Variants in DPEP2NB observed in about 807,000 individuals in gnomAD.
The protein encoded by DPEP2NB is DPEP2 neighbor protein.
For missense variants in DPEP2NB, 117 were observed against 151.8 expected (o/e 0.77, Z 1.21); for synonymous variants, 35 against 55.3 (o/e 0.63, Z 1.63).
Position 68,014,226 on chromosome 16 carries a change from G to T in DPEP2NB, c.254C>A (p.Ala85Asp). The T allele has an allele frequency of 2.4e-6, 3 of 1,231,752 alleles. No individual in the cohort carries two copies. The highest frequency in any genetic ancestry group is 3.0e-6 in the Non-Finnish European group (3 of 987,998). 76.3% of individuals were successfully genotyped at this position (1,231,752 alleles called of 1,614,324 possible). A position where few individuals can be genotyped will look rare whatever the true frequency, so the allele number is the denominator to read the frequency against. ...AEAEKPAPRR[A>D]PKRRQATIES... is the part of the protein sequence containing the mutation. The stretch of plus-strand genomic sequence containing the variant: ...TATCGTAGCTTGACGTCTCTTGGGA[G>T]CACGCCTGGGGGCTGGCTTCTCTGC... The change falls in exon 2 of 2, where the codon GCT (alanine) becomes GAT (aspartate). Residue 85 changes from alanine (A) to aspartate (D), a missense_variant. Physicochemically the swap from Ala to Asp is moderately radical, Grantham distance 126. Coordinates refer to ENST00000574912, the MANE Select transcript of DPEP2NB (RefSeq NM_001282442.2).
Position 68,015,803 on chromosome 16 carries a change from T to TA in DPEP2NB, c.-34dup. The TA allele has an allele frequency of 8.6e-7, 1 of 1,163,530 alleles. No individual in the cohort carries two copies. The allele number at this position is 1,163,530 out of a possible 1,614,324, so 72.1% of individuals were successfully genotyped here. ...CAGCCAACCAAACAGATTGGTATCT[T>TA]ACAGAGAAATGGTAGGGAGGCTTCT... On this transcript the variant is annotated 5_prime_UTR_variant, in exon 1 of 2. Transcript: ENST00000574912.
At position 68,014,231 on chromosome 16, in the gene DPEP2NB, C is replaced by A; in HGVS notation, c.249G>T (p.Arg83Ser). The A allele has an allele frequency of 2.4e-6, 3 of 1,231,730 alleles. No homozygotes were observed. The South Asian group carries it at 1.2e-4, about 51-fold the overall frequency. The allele number at this position is 1,231,730 out of a possible 1,614,324, so 76.3% of individuals were successfully genotyped here. A position where few individuals can be genotyped will look rare whatever the true frequency, so the allele number is the denominator to read the frequency against. ...TAGCTTGACGTCTCTTGGGAGCACG[C>A]CTGGGGGCTGGCTTCTCTGCTTCAG... ...TKAEAEKPAP[R>S]RAPKRRQATI... The change falls in exon 2 of 2, where the codon AGG (arginine) becomes AGT (serine). Residue 83 changes from arginine to serine, a missense_variant. Arg to Ser is a moderately radical substitution (Grantham distance 110). Coordinates refer to ENST00000574912, the MANE Select transcript of DPEP2NB (RefSeq NM_001282442.2).
chr16:68,015,347 A>T (rs1037413893), intron 1 of DPEP2NB, among the ~76,000 whole-genome samples: 12 of 135,992 alleles, frequency 8.8e-5, no homozygotes, highest in Non-Finnish European at 7.8e-5. Flanking sequence ...AGCTGTGATT[A>T]TGCCAGTGTG....
At chr16:68,015,645 G>T in intron 1 of DPEP2NB, 59 bp downstream of exon 1, 2 of 1,002,256 alleles carry the variant, frequency 2.0e-6, no homozygotes, top group Non-Finnish European at 2.6e-6. Flanking sequence ...GAATGTGTCA[G>T]CCAGGTGAAG....
chr16:68,014,807 C>T (rs749491384), intron 1 of DPEP2NB, among the ~76,000 whole-genome samples: 9 of 151,960 alleles, frequency 5.9e-5, no homozygotes, highest in Non-Finnish European at 1.0e-4. Context: ...CCAGGAGTAC[C>T]AGCCTGGCCA....
At position 68,013,957 on chromosome 16, in the gene DPEP2NB, T is replaced by C. The variant is rs938835505; in HGVS notation, c.*151A>G. 1.8e-6 allele frequency: 1 copy of C among 542,764 alleles called. No homozygotes were observed. The highest frequency in any genetic ancestry group is 2.8e-6 in the Non-Finnish European group (1 of 358,922). The allele number at this position is 542,764 out of a possible 1,614,324, so 33.6% of individuals were successfully genotyped here. A position where few individuals can be genotyped will look rare whatever the true frequency, so the allele number is the denominator to read the frequency against. ...CACAGTTTCTGAGGCTCCTTGGCCA[T>C]GGGTAGTTAGCATGGAAGGGGGCTT... is the stretch of plus-strand genomic sequence containing the variant. On this transcript the variant is annotated 3_prime_UTR_variant, in exon 2 of 2. Transcript: ENST00000574912.
chr16:68,015,266 G>T (rs989564565), intron 1 of DPEP2NB, among the ~76,000 whole-genome samples: 3 of 150,308 alleles, frequency 2.0e-5, no homozygotes, highest in African/African-American at 7.3e-5. Flanking sequence ...GGTGGCGCGT[G>T]CCTGTAGTCC....
chr16:68,013,857 G>A lies in DPEP2NB; in HGVS notation c.*251C>T, dbSNP rs1341689657. 2.7e-6 allele frequency: 1 copy of A among 367,862 alleles called. No individual in the cohort carries two copies. The highest frequency in any genetic ancestry group is 2.1e-5 in the African/African-American group (1 of 48,122). 22.8% of individuals were successfully genotyped at this position (367,862 alleles called of 1,614,324 possible). On this transcript the variant is annotated 3_prime_UTR_variant, in exon 2 of 2. Transcript: ENST00000574912. ...GCCCAAAAAGGGACTCTGGAGAGATGAGTAGAGGAACATCAGGTTTTCTTC... is the reference window on the plus strand; with the variant it reads ...GCCCAAAAAGGGACTCTGGAGAGATAAGTAGAGGAACATCAGGTTTTCTTC...
Position 68,014,421 on chromosome 16 carries a change from A to G in DPEP2NB, c.68-9T>C. ...AGTGGCAGGCACTGCAGCTGGAAAG[A>G]AAACCAGAATTAGTCACTTTTACCT... On this transcript the variant is annotated splice_polypyrimidine_tract_variant and intron_variant, in intron 1 of 1. Coordinates refer to ENST00000574912, the MANE Select transcript of DPEP2NB (RefSeq NM_001282442.2). 1 of 1,231,720 alleles carries G rather than the reference A, an allele frequency of 8.1e-7. No homozygotes were observed. The highest frequency in any genetic ancestry group is 1.0e-6 in the Non-Finnish European group (1 of 987,902). The allele number at this position is 1,231,720 out of a possible 1,614,324, so 76.3% of individuals were successfully genotyped here.
At chr16:68,015,094 C>G (rs7188449) in intron 1 of DPEP2NB, among the ~76,000 whole-genome samples, 1 of 151,796 alleles carries the variant, frequency 6.6e-6, no homozygotes, top group East Asian at 1.9e-4. Context: ...ATAAAAAGAT[C>G]TAATACAAAT....
Position 68,013,479 on chromosome 16 carries a change from A to T in DPEP2NB, c.*629T>A, listed in dbSNP as rs978660769. Reference sequence around the variant, plus strand: ...TTTTTAATTTTTTTTTAAATTGAGCAGTAGGGACCTCACTGGGGCCATAAT... The same window carrying T: ...TTTTTAATTTTTTTTTAAATTGAGCTGTAGGGACCTCACTGGGGCCATAAT... On this transcript the variant is annotated 3_prime_UTR_variant, in exon 2 of 2. Coordinates refer to ENST00000574912, the MANE Select transcript of DPEP2NB (RefSeq NM_001282442.2). 1 of 152,046 alleles carries T rather than the reference A, an allele frequency of 6.6e-6. No individual in the cohort carries two copies. The highest frequency in any genetic ancestry group is 1.5e-5 in the Non-Finnish European group (1 of 68,006). The allele number at this position is 152,046 out of a possible 1,614,324, so 9.4% of individuals were successfully genotyped here. A position where few individuals can be genotyped will look rare whatever the true frequency, so the allele number is the denominator to read the frequency against.
intron 1 of DPEP2NB, 95 bp downstream of exon 1, chr16:68,015,609 C>T (rs905538108): frequency 9.7e-5 from 64 of 663,024 alleles, no homozygotes; most frequent in Non-Finnish European, 1.0e-4. Flanking sequence ...TGGGAAAGCT[C>T]GAGGTGTGGT....
chr16:68,015,218 CCT>C (rs2033159892), intron 1 of DPEP2NB, among the ~76,000 whole-genome samples: 1 of 151,210 alleles, frequency 6.6e-6, no homozygotes, highest in East Asian at 1.9e-4. Context: ...ATGGCGAAAC[CCT>C]GTCACTACTA....
chr16:68,014,507 C>T (rs1320069829), intron 1 of DPEP2NB, 95 bp from the exon 2 acceptor site: 14 of 802,142 alleles, frequency 1.7e-5, no homozygotes, highest in East Asian at 3.4e-5. Flanking sequence ...GTCCTTTCAT[C>T]TTCTTCGCAT....
At chr16:68,015,450 T>C (rs1598292192) in intron 1 of DPEP2NB, among the ~76,000 whole-genome samples, 5 of 81,038 alleles carry the variant, frequency 6.2e-5, no homozygotes, top group African/African-American at 1.0e-4. Context: ...AGACCCCATC[T>C]CAATTAAAAA....
At chr16:68,015,639 G>T in intron 1 of DPEP2NB, 65 bp downstream of exon 1, 1 of 951,834 alleles carries the variant, frequency 1.1e-6, no homozygotes. Context: ...CAGAAGGAAT[G>T]TGTCAGCCAG....
At chr16:68,015,348 T>C (rs974964703) in intron 1 of DPEP2NB, among the ~76,000 whole-genome samples, 3 of 130,236 alleles carry the variant, frequency 2.3e-5, no homozygotes, top group African/African-American at 9.1e-5. Flanking sequence ...GCTGTGATTA[T>C]GCCAGTGTGC....
chr16:68,014,107 C>G lies in DPEP2NB; in HGVS notation c.*1G>C. 3.2e-6 allele frequency: 4 copies of G among 1,231,792 alleles called. No individual in the cohort carries two copies. The highest frequency in any genetic ancestry group is 4.0e-6 in the Non-Finnish European group (4 of 988,016). The allele number at this position is 1,231,792 out of a possible 1,614,324, so 76.3% of individuals were successfully genotyped here. A position where few individuals can be genotyped will look rare whatever the true frequency, so the allele number is the denominator to read the frequency against. On this transcript the variant is annotated 3_prime_UTR_variant, in exon 2 of 2. Transcript: ENST00000574912. ...AACATTTGTCCTTTCTCCCAAATGG[C>G]TCAGCCAGCAAGCTTCTGTGGGGTC...
At chr16:68,015,448 T>A (rs1404203104) in intron 1 of DPEP2NB, among the ~76,000 whole-genome samples, 12 of 68,896 alleles carry the variant, frequency 1.7e-4, no homozygotes, top group East Asian at 1.0e-3. Context: ...CAAGACCCCA[T>A]CTCAATTAAA....
Sources: allele counts gnomAD v4.1 joint callset (sites outside exome capture counted in the v4.1 genomes callset), GRCh38; gene constraint gnomAD v4.1.1; transcripts MANE v1.5; gene names NCBI Gene and HGNC (gene_info 2026-07-23, HGNC 2026-07-21).